The following KCNQ5 variants were observed in gnomAD, a reference collection of about 807,000 sequenced individuals.
KCNQ5 encodes potassium voltage-gated channel subfamily Q member 5.
In KCNQ5, 30 loss-of-function variants were observed where a neutral mutation model predicts 98.2. The ratio of observed to expected loss-of-function variants is 0.31; its 90% CI spans 0.23 to 0.41. KCNQ5 has a LOEUF of 0.41. KCNQ5 is among the 10% of genes least tolerant of loss of function. The pLI, the probability that KCNQ5 is intolerant of heterozygous loss-of-function variation, is 1.00. For synonymous variants in KCNQ5, 458 were observed against 449.4 expected, an observed-to-expected ratio of 1.02 and a Z score of -0.24; for missense variants, 835 against 1,182.5, an observed-to-expected ratio of 0.71 and a Z score of 4.31.
intron 1 of KCNQ5, among the ~76,000 whole-genome samples, chr6:72,867,085 T>C (rs1320903657): frequency 2.0e-5 from 3 of 152,218 alleles, no homozygotes; most frequent in Admixed American, 6.5e-5. Context: ...GATAAGTATA[T>C]GTGTATACAT....
At chr6:73,120,200 C>T (rs1775688887) in intron 7 of KCNQ5, among the ~76,000 whole-genome samples, 2 of 151,910 alleles carry the variant, frequency 1.3e-5, no homozygotes, top group South Asian at 2.1e-4. Context: ...GAGCTGAGAT[C>T]GCACCACTGC....
Position 73,194,118 on chromosome 6 carries a change from G to A in KCNQ5, c.1837-334G>A, listed in dbSNP as rs760297885. 2.9e-4 allele frequency among the ~76,000 whole-genome samples: 44 copies of A among 152,158 alleles called. 1 individual carries two copies. The highest frequency in any genetic ancestry group is 5.4e-4 in the Non-Finnish European group (37 of 68,028). On this transcript the variant is annotated intron_variant, in intron 13 of 13. Coordinates refer to ENST00000370398, the MANE Select transcript of KCNQ5 (RefSeq NM_019842.4). ...CCCAAAGTGCTGGCATTACAGGCAT[G>A]AGCCACTGCACCCAGCCTGGAATGG...
At chr6:72,948,643 T>A (rs992187122) in intron 1 of KCNQ5, among the ~76,000 whole-genome samples, 3 of 152,106 alleles carry the variant, frequency 2.0e-5, no homozygotes, top group African/African-American at 2.4e-5. Flanking sequence ...TTCAAAAAAA[T>A]TTTCCTTAAG....
intron 1 of KCNQ5, among the ~76,000 whole-genome samples, chr6:72,912,600 A>C (rs1452462075): frequency 6.6e-6 from 1 of 152,182 alleles, no homozygotes; most frequent in African/African-American, 2.4e-5. Context: ...AATTTTTCTG[A>C]ATCTGGCATT....
chr6:72,852,937 C>T (rs1356687579), intron 1 of KCNQ5, among the ~76,000 whole-genome samples: 8 of 151,800 alleles, frequency 5.3e-5, no homozygotes, highest in Admixed American at 1.3e-4. Context: ...GACTTCTTCC[C>T]AACTTCACAG....
Position 73,138,514 on chromosome 6 carries a change from C to T in KCNQ5, c.1468+4873C>T, listed in dbSNP as rs915723809. Among the ~76,000 whole-genome samples, 7 of 152,168 alleles carry T rather than the reference C, an allele frequency of 4.6e-5. No homozygotes were observed. The South Asian group carries it at 8.3e-4, about 18-fold the overall frequency. On this transcript the variant is annotated intron_variant, in intron 10 of 13. Transcript: ENST00000370398. Reference sequence around the variant, plus strand: ...TACAGTGCTTGATATTAGCTAAACCCAACGTTCTGTAGTAATTAGCATGTT... The same window carrying T: ...TACAGTGCTTGATATTAGCTAAACCTAACGTTCTGTAGTAATTAGCATGTT...
At chr6:72,758,966 G>A (rs111961471) in intron 1 of KCNQ5, among the ~76,000 whole-genome samples, 6 of 152,134 alleles carry the variant, frequency 3.9e-5, no homozygotes, top group Non-Finnish European at 8.8e-5. Context: ...AGAAATTTCA[G>A]CATAAATATT....
chr6:73,192,449 A>C (rs1038487628), intron 12 of KCNQ5, 116 bp from the exon 13 acceptor site: 2 of 875,438 alleles, frequency 2.3e-6, no homozygotes, highest in Non-Finnish European at 3.3e-6. Flanking sequence ...TTCTTATTTC[A>C]TCTTACATAA....
intron 1 of KCNQ5, among the ~76,000 whole-genome samples, chr6:72,693,182 A>T (rs1205984054): frequency 6.6e-6 from 1 of 152,170 alleles, no homozygotes; most frequent in Non-Finnish European, 1.5e-5. Flanking sequence ...GAATAAGAAG[A>T]CAAGCAGGAA....
At chr6:72,737,305 T>G in intron 1 of KCNQ5, among the ~76,000 whole-genome samples, 2 of 152,314 alleles carry the variant, frequency 1.3e-5, no homozygotes, top group East Asian at 3.9e-4. Context: ...TTTCATCATA[T>G]ATATTATTTA....
chr6:72,851,643 T>C (rs1441229296), intron 1 of KCNQ5, among the ~76,000 whole-genome samples: 3 of 152,184 alleles, frequency 2.0e-5, no homozygotes, highest in Non-Finnish European at 4.4e-5. Flanking sequence ...CTGTGATATA[T>C]ATTCAACTGA....
intron 1 of KCNQ5, among the ~76,000 whole-genome samples, chr6:72,919,672 TA>T (rs777004235): frequency 5.3e-5 from 8 of 152,170 alleles, no homozygotes; most frequent in Non-Finnish European, 1.2e-4. Flanking sequence ...TTAATCATAA[TA>T]ATTAGAATGT....
chr6:72,933,211 A>T (rs1444891469), intron 1 of KCNQ5, among the ~76,000 whole-genome samples: 1 of 152,220 alleles, frequency 6.6e-6, no homozygotes, highest in African/African-American at 2.4e-5. Context: ...CATGTTAAGG[A>T]TTTAAAAGTT....
At chr6:72,803,504 A>G (rs1774773957) in intron 1 of KCNQ5, among the ~76,000 whole-genome samples, 1 of 152,192 alleles carries the variant, frequency 6.6e-6, no homozygotes, top group African/African-American at 2.4e-5. Context: ...CTAGTTCTGC[A>G]CAATGTGTCC....
chr6:72,757,012 A>G (rs887083283), intron 1 of KCNQ5, among the ~76,000 whole-genome samples: 1 of 152,180 alleles, frequency 6.6e-6, no homozygotes, highest in South Asian at 2.1e-4. Flanking sequence ...TGCCTTCCAA[A>G]TGAATGAAAT....
intron 1 of KCNQ5, among the ~76,000 whole-genome samples, chr6:72,907,192 G>C (rs1296848998): frequency 6.6e-6 from 1 of 152,058 alleles, no homozygotes; most frequent in African/African-American, 2.4e-5. Flanking sequence ...GAGAGGATCA[G>C]AAAAAATACT....
intron 1 of KCNQ5, among the ~76,000 whole-genome samples, chr6:72,804,700 T>C (rs958905926): frequency 2.6e-5 from 4 of 152,188 alleles, no homozygotes; most frequent in Non-Finnish European, 5.9e-5. Context: ...TGCTGAATCA[T>C]ATGGTAGCTC....
chr6:72,660,621 C>T (rs1766468433), intron 1 of KCNQ5, among the ~76,000 whole-genome samples: 1 of 152,144 alleles, frequency 6.6e-6, no homozygotes, highest in Admixed American at 6.5e-5. Flanking sequence ...CGGAGCAACT[C>T]CTACTAAGTT....
chr6:72,731,493 A>T (rs2179952), intron 1 of KCNQ5, among the ~76,000 whole-genome samples: 36,253 of 152,192 alleles, frequency 0.24, 4,447 homozygotes, highest in Non-Finnish European at 0.27. Context: ...GGGACTAACT[A>T]ACGCATCTGT....
Sources: allele counts gnomAD v4.1 joint callset (sites outside exome capture counted in the v4.1 genomes callset), GRCh38; gene constraint gnomAD v4.1.1; transcripts MANE v1.5; gene names NCBI Gene and HGNC (gene_info 2026-07-23, HGNC 2026-07-21).